TRPM1: variants seen among roughly 807,000 people sequenced by gnomAD.
TRPM1 encodes TRPM1-203 APA Isoform, Intron 10.
Under a neutral mutation model 149.4 loss-of-function variants are expected in TRPM1, and 113 were observed. That is an observed-to-expected ratio of 0.76 (90% CI 0.65 to 0.88). TRPM1 has a LOEUF of 0.88. TRPM1 is among the 40% of genes least tolerant of loss of function. The probability of loss-of-function intolerance (pLI) is 0.00; values close to 1 mark genes in which losing one functional copy is unlikely to be tolerated. For synonymous variants in TRPM1, 741 were observed against 759.5 expected (o/e 0.98, Z 0.40); for missense variants, 1,976 against 2,038.7 (o/e 0.97, Z 0.59).
At chr15:31,031,941 A>G (rs1376105942) in intron 22 of TRPM1, among the ~76,000 whole-genome samples, 3 of 147,932 alleles carry the variant, frequency 2.0e-5, no homozygotes, top group Non-Finnish European at 3.0e-5. Flanking sequence ...CAGGTTGGGG[A>G]TTGGCCCTGG....
At chr15:31,041,828 T>C (rs1453979068) in intron 17 of TRPM1, 123 bp downstream of exon 17, 5 of 1,105,960 alleles carry the variant, frequency 4.5e-6, no homozygotes, top group South Asian at 1.3e-5. Flanking sequence ...ACGAAGTGAT[T>C]TGTGAACAAG....
intron 11 of TRPM1, among the ~76,000 whole-genome samples, chr15:31,051,764 C>T (rs987505078): frequency 7.9e-5 from 12 of 152,196 alleles, no homozygotes; most frequent in Admixed American, 6.5e-4. Flanking sequence ...ACCTCTCTCC[C>T]CAGAGCTCCT....
At chr15:31,038,357 G>A (rs1238037428) in intron 18 of TRPM1, among the ~76,000 whole-genome samples, 191 bp from the exon 19 acceptor site, 1 of 152,204 alleles carries the variant, frequency 6.6e-6, no homozygotes, top group Non-Finnish European at 1.5e-5. Context: ...AACAATTTAA[G>A]AACATACACT....
chr15:31,049,435 T>C lies in TRPM1; in HGVS notation c.1512A>G (p.Glu504=). ...DRVDFVKLLI[E]NGVNMQHFLT... is the part of the protein sequence containing the mutation. ...GAAAGTGTTGCATGTTCACTCCGTT[T>C]TCAATCAGGAGCTTCACAAAGTCGA... The change falls in exon 13 of 28, where the codon GAA becomes GAG. Residue 504 remains glutamate (E), a synonymous_variant. Coordinates refer to ENST00000256552, the MANE Select transcript of TRPM1 (RefSeq NM_001252024.2). 1 of 1,614,158 alleles carries C rather than the reference T, an allele frequency of 6.2e-7. No individual in the cohort carries two copies. The highest frequency in any genetic ancestry group is 8.5e-7 in the Non-Finnish European group (1 of 1,180,036).
chr15:31,153,854 C>G (rs78526466), intron 1 of TRPM1, among the ~76,000 whole-genome samples: 315 of 152,314 alleles, frequency 2.1e-3, no homozygotes, highest in African/African-American at 7.4e-3. Context: ...GTCTCAGATA[C>G]TTTTTGGTTC....
At chr15:31,107,127 T>C (rs2035617786) in intron 1 of TRPM1, among the ~76,000 whole-genome samples, 1 of 152,228 alleles carries the variant, frequency 6.6e-6, no homozygotes, top group Non-Finnish European at 1.5e-5. Flanking sequence ...TTGTGAAAGA[T>C]TGGTCTTCAT....
At chr15:31,062,960 C>T (rs1361609079) in intron 8 of TRPM1, 158 bp downstream of exon 8, 1 of 1,086,266 alleles carries the variant, frequency 9.2e-7, no homozygotes, top group Admixed American at 2.0e-5. Flanking sequence ...CTGATGGTTC[C>T]CCTGGATGCT....
intron 1 of TRPM1, among the ~76,000 whole-genome samples, chr15:31,149,856 G>A (rs2036276033): frequency 6.6e-6 from 1 of 152,206 alleles, no homozygotes; most frequent in East Asian, 1.9e-4. Flanking sequence ...TTGACATTCT[G>A]CCAATTTCTT....
intron 22 of TRPM1, 100 bp from the exon 23 acceptor site, chr15:31,031,257 C>T: frequency 7.5e-7 from 1 of 1,331,146 alleles, no homozygotes; most frequent in Admixed American, 1.8e-5. Context: ...TTCACGAGTG[C>T]TTAATTAGGA....
chr15:31,150,642 G>A (rs2036288970), intron 1 of TRPM1, among the ~76,000 whole-genome samples: 1 of 151,942 alleles, frequency 6.6e-6, no homozygotes, highest in Non-Finnish European at 1.5e-5. Flanking sequence ...CACCATGTTG[G>A]CCGGGCTGGT....
chr15:31,028,177 A>G (rs777303098), intron 25 of TRPM1, among the ~76,000 whole-genome samples, 155 bp downstream of exon 25: 8 of 152,254 alleles, frequency 5.3e-5, no homozygotes, highest in Non-Finnish European at 1.0e-4. Context: ...AGACTGATTA[A>G]GTTTGAACAA....
intron 1 of TRPM1, among the ~76,000 whole-genome samples, chr15:31,098,471 A>G (rs893857246): frequency 2.0e-5 from 3 of 152,182 alleles, no homozygotes; most frequent in Non-Finnish European, 4.4e-5. Context: ...AACACTAAGC[A>G]TGGTCCACAG....
chr15:31,052,583 T>C (rs891513026), intron 11 of TRPM1, among the ~76,000 whole-genome samples: 5 of 152,180 alleles, frequency 3.3e-5, no homozygotes, highest in Admixed American at 2.6e-4. Flanking sequence ...GAGACCAGCC[T>C]GGCCAACATG....
At chr15:31,130,375 G>T (rs1348213917) in intron 1 of TRPM1, among the ~76,000 whole-genome samples, 1 of 152,144 alleles carries the variant, frequency 6.6e-6, no homozygotes, top group Non-Finnish European at 1.5e-5. Flanking sequence ...TTCATTCCTG[G>T]GTGTAGGCTG....
At chr15:31,041,587 AAGGTCACAGTCC>A (rs1010642554) in intron 17 of TRPM1, among the ~76,000 whole-genome samples, 5 of 152,172 alleles carry the variant, frequency 3.3e-5, no homozygotes, top group Admixed American at 6.5e-5. Flanking sequence ...AACACCTGTG[AAGGTCACAGTCC>A]AGGTCACAGT....
chr15:31,049,748 T>C (rs998736742), intron 12 of TRPM1, among the ~76,000 whole-genome samples: 2 of 152,230 alleles, frequency 1.3e-5, no homozygotes, highest in African/African-American at 2.4e-5. Flanking sequence ...TAAAAATAGA[T>C]TGAAGAGGAT....
intron 1 of TRPM1, among the ~76,000 whole-genome samples, chr15:31,088,844 G>A (rs149179319): frequency 1.4e-5 from 2 of 145,904 alleles, no homozygotes; most frequent in African/African-American, 2.5e-5. Context: ...GGGGCGATGC[G>A]ATAAGCCCTG....
At chr15:31,102,853 G>A (rs1033273187), upstream of TRPM1, among the ~76,000 whole-genome samples, 5 of 152,230 alleles carry the variant, frequency 3.3e-5, no homozygotes, top group African/African-American at 1.2e-4. Flanking sequence ...GCCCCTGGGC[G>A]CACAATGACC....
chr15:31,093,115 G>T (rs2035284697), intron 1 of TRPM1, among the ~76,000 whole-genome samples: 1 of 151,936 alleles, frequency 6.6e-6, no homozygotes. Flanking sequence ...AAAAAAATTA[G>T]CTGGGTGTGG....
Sources: gnomAD v4.1 joint callset for allele counts (sites outside exome capture counted in the v4.1 genomes callset) on GRCh38, gnomAD v4.1.1 for gene constraint, MANE v1.5 for transcripts, NCBI Gene and HGNC (gene_info 2026-07-23, HGNC 2026-07-21) for gene names.